Variants in DNAJC16 observed in about 807,000 individuals in gnomAD.
DNAJC16 encodes DnaJ heat shock protein family (Hsp40) member C16.
In DNAJC16, 76 loss-of-function variants were observed where a neutral mutation model predicts 92.7. That is an observed-to-expected ratio of 0.82 (90% CI 0.68 to 0.99). DNAJC16 has a LOEUF of 0.99. Ranked by LOEUF, DNAJC16 falls within the 50% of genes least tolerant of loss-of-function variation. The pLI is 0.00. For missense variants in DNAJC16, 869 were observed against 942.4 expected (o/e 0.92, Z 1.02); for synonymous variants, 328 against 358.7 (o/e 0.91, Z 0.97).
chr1:15,530,983 C>T (rs980091177), intron 2 of DNAJC16, among the ~76,000 whole-genome samples: 2 of 152,202 alleles, frequency 1.3e-5, no homozygotes, highest in African/African-American at 2.4e-5. Flanking sequence ...CTACCATGCT[C>T]GGCCAGTGTC....
At chr1:15,531,407 G>T (rs372853371) in intron 2 of DNAJC16, among the ~76,000 whole-genome samples, 2 of 152,150 alleles carry the variant, frequency 1.3e-5, no homozygotes, top group Non-Finnish European at 2.9e-5. Flanking sequence ...AATTATACAT[G>T]ACCTCCTTCC....
chr1:15,567,385 C>A, intron 14 of DNAJC16, 116 bp downstream of exon 14: 1 of 1,083,688 alleles, frequency 9.2e-7, no homozygotes, highest in Non-Finnish European at 1.3e-6. Flanking sequence ...CAGCAAGATG[C>A]TGGCTGTGAC....
Position 15,546,827 on chromosome 1 carries a change from G to C in DNAJC16, c.820G>C (p.Val274Leu). The change falls in exon 6 of 15, where the codon GTC becomes CTC. Residue 274 changes from valine to leucine, a missense_variant. By Grantham distance (32) the Val-to-Leu change is conservative (BLOSUM62 1). Coordinates refer to ENST00000375847, the MANE Select transcript of DNAJC16 (RefSeq NM_015291.4). ...SGWQQENKPH[V>L]LLFDQTPIVP... ...CTGGCAGCAAGAGAATAAGCCTCATGTCCTTCTGTTTGACCAAACGCCCAT... is the reference window on the plus strand; with the variant it reads ...CTGGCAGCAAGAGAATAAGCCTCATCTCCTTCTGTTTGACCAAACGCCCAT... 1.2e-6 allele frequency: 2 copies of C among 1,613,594 alleles called. No individual in the cohort carries two copies. The highest frequency in any genetic ancestry group is 1.7e-6 in the Non-Finnish European group (2 of 1,179,926).
intron 2 of DNAJC16, among the ~76,000 whole-genome samples, chr1:15,530,842 C>G (rs1405343873): frequency 6.6e-6 from 1 of 152,202 alleles, no homozygotes; most frequent in Non-Finnish European, 1.5e-5. Context: ...CGTGCACCAC[C>G]ACACCCAGCT....
chr1:15,536,371 C>T lies in DNAJC16; in HGVS notation c.235-104C>T, dbSNP rs926226438. 4.2e-5 allele frequency: 41 copies of T among 965,988 alleles called. No individual in the cohort carries two copies. The East Asian group carries it at 6.6e-4, about 16-fold the overall frequency. 59.8% of individuals were successfully genotyped at this position (965,988 alleles called of 1,614,324 possible). Reference sequence around the variant, plus strand: ...CTGGGATTACAGGTGTGAGCCACCACGACTGGCTGCATTTATTTTCTTCCT... The same window carrying T: ...CTGGGATTACAGGTGTGAGCCACCATGACTGGCTGCATTTATTTTCTTCCT... On this transcript the variant is annotated intron_variant, in intron 3 of 14. Transcript: ENST00000375847.
At chr1:15,547,501 G>A (rs1263112703) in intron 6 of DNAJC16, among the ~76,000 whole-genome samples, 1 of 150,592 alleles carries the variant, frequency 6.6e-6, no homozygotes, top group East Asian at 1.9e-4. Context: ...GGAGTGCAGT[G>A]GTGTGATCTA....
intron 3 of DNAJC16, among the ~76,000 whole-genome samples, chr1:15,534,513 G>A (rs1311918941): frequency 3.9e-5 from 6 of 152,228 alleles, no homozygotes; most frequent in East Asian, 1.9e-4. Flanking sequence ...CACGAGGTCA[G>A]GAGTTCGAGA....
rs549003223 is a variant in DNAJC16, at chr1:15,565,628, G to A, written c.1599-291G>A. On this transcript the variant is annotated intron_variant, in intron 11 of 14. Transcript: ENST00000375847. ...AAATTCTTCCATGTTTACACCTTAAGTCCTTTATTATCCCTTTTATTGTTT... is the reference window on the plus strand; with the variant it reads ...AAATTCTTCCATGTTTACACCTTAAATCCTTTATTATCCCTTTTATTGTTT... 8.6e-6 allele frequency: 3 copies of A among 350,710 alleles called. No homozygotes were observed. The South Asian group carries it at 1.2e-4, about 14-fold the overall frequency. The allele number at this position is 350,710 out of a possible 1,614,324, so 21.7% of individuals were successfully genotyped here. A position where few individuals can be genotyped will look rare whatever the true frequency, so the allele number is the denominator to read the frequency against.
rs1255720636 is a variant in DNAJC16, at chr1:15,562,221, A to G, written c.1234A>G (p.Asn412Asp). The G allele has an allele frequency of 5.0e-6, 8 of 1,614,128 alleles. No homozygotes were observed. The highest frequency in any genetic ancestry group is 6.8e-6 in the Non-Finnish European group (8 of 1,179,980). The stretch of plus-strand genomic sequence containing the variant: ...GGCTTTCCTGTCCTTTGCCCTGGCA[A>G]ACACTCAAGACACAGTGAGATTTGT... ...FEAFLSFALA[N>D]TQDTVRFVHV... is the part of the protein sequence containing the mutation. The change falls in exon 9 of 15, where the codon AAC becomes GAC. Residue 412 changes from asparagine (N) to aspartate (D), a missense_variant. By Grantham distance (23) the Asn-to-Asp change is conservative (BLOSUM62 1). Coordinates refer to ENST00000375847, the MANE Select transcript of DNAJC16 (RefSeq NM_015291.4).
intron 9 of DNAJC16, 31 bp downstream of exon 9, chr1:15,562,356 C>A (rs576534697): frequency 6.4e-7 from 1 of 1,568,228 alleles, no homozygotes; most frequent in Non-Finnish European, 8.7e-7. Flanking sequence ...TCATCCCAGG[C>A]TCTTCATAAC....
chr1:15,545,668 G>A (rs1195459033), intron 5 of DNAJC16, among the ~76,000 whole-genome samples: 2 of 152,210 alleles, frequency 1.3e-5, no homozygotes, highest in African/African-American at 2.4e-5. Context: ...GAGGGGGATG[G>A]AGAGGTTATT....
chr1:15,564,014 A>C lies in DNAJC16; in HGVS notation c.1424A>C (p.Lys475Thr), dbSNP rs781122847. The change falls in exon 10 of 15, where the codon AAA becomes ACA. Residue 475 changes from lysine to threonine, a missense_variant. Lys to Thr is a moderately conservative substitution (Grantham distance 78, BLOSUM62 -1). Coordinates refer to ENST00000375847, the MANE Select transcript of DNAJC16 (RefSeq NM_015291.4). The stretch of plus-strand genomic sequence containing the variant: ...CCTTGGATTGGGAGTGAGAGTGACA[A>C]ATTTATCCTCTTGGGCTATCTCGAC... ...EDPWIGSESD[K>T]FILLGYLDQL... The C allele has an allele frequency of 8.7e-6, 14 of 1,613,710 alleles. No homozygotes were observed. In the South Asian group the frequency reaches 1.3e-4, roughly 15 times the overall value.
At position 15,567,407 on chromosome 1, in the gene DNAJC16, A is replaced by G. The variant is rs1211074297; in HGVS notation, c.1949+138A>G. The G allele has an allele frequency of 1.2e-5, 11 of 882,436 alleles. No individual in the cohort carries two copies. The East Asian group carries it at 2.6e-4, about 21-fold the overall frequency. The allele number at this position is 882,436 out of a possible 1,614,324, so 54.7% of individuals were successfully genotyped here. A position where few individuals can be genotyped will look rare whatever the true frequency, so the allele number is the denominator to read the frequency against. ...ATGCTGGCTGTGACCTTTCCAATCC[A>G]GACATCTGAGCCATTGCGACAGGGA... is the stretch of plus-strand genomic sequence containing the variant. On this transcript the variant is annotated intron_variant, in intron 14 of 14. Transcript: ENST00000375847.
intron 4 of DNAJC16, among the ~76,000 whole-genome samples, chr1:15,539,450 G>A (rs897670550): frequency 2.6e-5 from 4 of 151,838 alleles, no homozygotes; most frequent in African/African-American, 9.7e-5. Context: ...GTTTCACCGT[G>A]TTAGCCAGGA....
At chr1:15,551,069 C>T (rs957786366) in intron 7 of DNAJC16, among the ~76,000 whole-genome samples, 1 of 152,188 alleles carries the variant, frequency 6.6e-6, no homozygotes, top group African/African-American at 2.4e-5. Flanking sequence ...GGGGTTTCAC[C>T]ATGTTGGCCA....
Position 15,571,727 on chromosome 1 carries a change from C to G in DNAJC16, c.*3550C>G, listed in dbSNP as rs888623416. The G allele has an allele frequency of 6.6e-6, 1 of 152,252 alleles. No individual in the cohort carries two copies. Among genetic ancestry groups the G allele is most frequent in the East Asian group, 1.9e-4 (1 of 5,204 alleles). The allele number at this position is 152,252 out of a possible 1,614,324, so 9.4% of individuals were successfully genotyped here. A position where few individuals can be genotyped will look rare whatever the true frequency, so the allele number is the denominator to read the frequency against. ...AAAAAGAAATAAACTATTTTAATGT[C>G]TGATAATTATGGGGTAGCCCTTGCA... On this transcript the variant is annotated 3_prime_UTR_variant, in exon 15 of 15. Transcript: ENST00000375847.
At chr1:15,545,697 G>A (rs961263218) in intron 5 of DNAJC16, among the ~76,000 whole-genome samples, 3 of 152,182 alleles carry the variant, frequency 2.0e-5, no homozygotes, top group Non-Finnish European at 2.9e-5. Flanking sequence ...CCCTGTGAGG[G>A]CCTCAGAGCA....
In DNAJC16 at chr1:15,559,659, A is replaced by G. The variant is rs1421435496; in HGVS notation, c.1154+3A>G. The G allele has an allele frequency of 6.2e-7, 1 of 1,613,802 alleles. No individual in the cohort carries two copies. Among genetic ancestry groups the G allele is most frequent in the East Asian group, 2.2e-5 (1 of 44,878 alleles). On this transcript the variant is annotated splice_donor_region_variant and intron_variant, in intron 8 of 14. Coordinates refer to ENST00000375847, the MANE Select transcript of DNAJC16 (RefSeq NM_015291.4). ...AAACGGTCGCATCGACAGAGGAAGT[A>G]AGGACTTAAGGCTTTGCCTCTGCTT...
chr1:15,552,105 C>A (rs192582451), intron 7 of DNAJC16, among the ~76,000 whole-genome samples: 2 of 152,018 alleles, frequency 1.3e-5, no homozygotes, highest in Admixed American at 1.3e-4. Context: ...CTCCTGGCCT[C>A]AAGTGGTCCT....
Sources: gnomAD v4.1 joint callset for allele counts (sites outside exome capture counted in the v4.1 genomes callset) on GRCh38, gnomAD v4.1.1 for gene constraint, MANE v1.5 for transcripts, NCBI Gene and HGNC (gene_info 2026-07-23, HGNC 2026-07-21) for gene names.